The following CUBN variants were observed in gnomAD, a reference collection of about 807,000 sequenced individuals.
CUBN encodes the protein 460 kDa receptor.
CUBN carries 282 observed loss-of-function variants against 405.3 expected under a neutral mutation model. The observed-to-expected ratio is 0.70, with a 90% CI of 0.63 to 0.77. CUBN has a LOEUF of 0.77. CUBN is among the 30% of genes least tolerant of loss of function. The pLI is 0.00. For synonymous variants in CUBN, 1,684 were observed against 1,617.0 expected, an observed-to-expected ratio of 1.04 and a Z score of -0.99; for missense variants, 4,514 against 4,475.2, an observed-to-expected ratio of 1.01 and a Z score of -0.25.
intron 34 of CUBN, 59 bp from the exon 35 acceptor site, chr10:16,948,665 T>G: frequency 1.2e-6 from 2 of 1,603,066 alleles, no homozygotes; most frequent in Non-Finnish European, 1.7e-6. Context: ...GACCGCTGTT[T>G]CTAGGAAACA....
chr10:16,863,290 T>C (rs1840070036), intron 59 of CUBN, among the ~76,000 whole-genome samples: 1 of 152,192 alleles, frequency 6.6e-6, no homozygotes, highest in African/African-American at 2.4e-5. Flanking sequence ...ATAAGCTTAG[T>C]TGGGTTTTTC....
At chr10:16,825,595 CTT>C (rs1449440098) in intron 66 of CUBN, among the ~76,000 whole-genome samples, 2 of 149,002 alleles carry the variant, frequency 1.3e-5, no homozygotes, top group Non-Finnish European at 1.5e-5. Flanking sequence ...AGTTTTTCCT[CTT>C]GAGATTTATT....
chr10:16,981,299 T>C (rs2131694290), intron 31 of CUBN, among the ~76,000 whole-genome samples: 1 of 152,248 alleles, frequency 6.6e-6, no homozygotes, highest in Middle Eastern at 3.4e-3. Context: ...GCCAGACTCC[T>C]GCAACCCACT....
chr10:16,888,672 C>A (rs1840895841), intron 55 of CUBN, 106 bp from the exon 56 acceptor site: 2 of 932,544 alleles, frequency 2.1e-6, no homozygotes, highest in Non-Finnish European at 3.5e-6. Flanking sequence ...ACATAGTTCC[C>A]TGAGATATTC....
chr10:16,956,326 A>AATAT (rs377273572), intron 31 of CUBN, among the ~76,000 whole-genome samples: 1 of 150,538 alleles, frequency 6.6e-6, no homozygotes, highest in Admixed American at 6.6e-5. Context: ...TCAAAATTTA[A>AATAT]ATATATATAT....
At chr10:17,031,123 T>G (rs1376570268) in intron 27 of CUBN, among the ~76,000 whole-genome samples, 2 of 152,178 alleles carry the variant, frequency 1.3e-5, no homozygotes, top group Non-Finnish European at 2.9e-5. Context: ...AATTGTTGGT[T>G]TTATCATTTG....
In CUBN at chr10:16,900,614, A is replaced by T. The variant is rs1219352129; in HGVS notation, c.8410+11T>A. 5 of 1,588,930 alleles carry T rather than the reference A, an allele frequency of 3.1e-6. No homozygotes were observed. Among genetic ancestry groups the T allele is most frequent in the Non-Finnish European group, 4.3e-6 (5 of 1,156,830 alleles). ...AAAAAGAAAATCAAATGGAGCAAAC[A>T]TTTCTTTTACCTAAAGTTTGTGTGT... On this transcript the variant is annotated intron_variant, in intron 53 of 66. Coordinates refer to ENST00000377833, the MANE Select transcript of CUBN (RefSeq NM_001081.4).
chr10:16,876,416 C>A (rs944474642), intron 57 of CUBN, among the ~76,000 whole-genome samples: 2 of 152,176 alleles, frequency 1.3e-5, no homozygotes, highest in African/African-American at 4.8e-5. Context: ...TTGAATATAT[C>A]AATCTTTTCC....
intron 28 of CUBN, among the ~76,000 whole-genome samples, chr10:16,996,201 G>A (rs1308359918): frequency 6.6e-6 from 1 of 152,184 alleles, no homozygotes; most frequent in East Asian, 1.9e-4. Flanking sequence ...AATTGACTTT[G>A]AGGCAAAATC....
At chr10:16,857,697 C>T (rs1839901296) in intron 59 of CUBN, among the ~76,000 whole-genome samples, 1 of 152,164 alleles carries the variant, frequency 6.6e-6, no homozygotes, top group African/African-American at 2.4e-5. Flanking sequence ...AAACCATCTG[C>T]AAAAACCTAC....
At chr10:16,991,383 A>G (rs1833582250) in intron 28 of CUBN, among the ~76,000 whole-genome samples, 1 of 87,670 alleles carries the variant, frequency 1.1e-5, no homozygotes. Flanking sequence ...ATGCTAGGAT[A>G]CTAACTGAGG....
At chr10:17,015,732 A>G (rs1050117373) in intron 28 of CUBN, among the ~76,000 whole-genome samples, 5 of 152,192 alleles carry the variant, frequency 3.3e-5, no homozygotes, top group Non-Finnish European at 5.9e-5. Flanking sequence ...ACTCAGGGGC[A>G]GTGCACCTTC....
At position 16,890,382 on chromosome 10, in the gene CUBN, G is replaced by C; in HGVS notation, c.8744C>G (p.Ser2915Cys). The change falls in exon 55 of 67, where the codon TCC becomes TGC. Residue 2915 changes from serine (S) to cysteine (C), a missense_variant. Physicochemically the swap from Ser to Cys is moderately radical, Grantham distance 112. Around this residue, in one of 5 missense-constraint regions of CUBN, gnomAD observed 1,186 missense variants for 1,186.9 expected, o/e 1.00. Coordinates refer to ENST00000377833, the MANE Select transcript of CUBN (RefSeq NM_001081.4). ...QEAPAQGFSA[S>C]FVSRCGSNFT... Reference sequence around the variant, plus strand: ...TTAGGGCTACTTACGGCTAACAAAGGACGCGGAGAAGCCCTGAGCTGGTGC... The same window carrying C: ...TTAGGGCTACTTACGGCTAACAAAGCACGCGGAGAAGCCCTGAGCTGGTGC... The C allele has an allele frequency of 1.9e-6, 3 of 1,613,156 alleles. No individual in the cohort carries two copies. The highest frequency in any genetic ancestry group is 2.5e-6 in the Non-Finnish European group (3 of 1,180,024).
intron 40 of CUBN, among the ~76,000 whole-genome samples, chr10:16,931,201 T>C (rs894710848): frequency 5.3e-5 from 8 of 151,832 alleles, no homozygotes; most frequent in Non-Finnish European, 1.2e-4. Context: ...GAGGCAGAGT[T>C]TGCAGTGAGC....
At chr10:17,036,933 C>T (rs893745376) in intron 27 of CUBN, among the ~76,000 whole-genome samples, 1 of 152,102 alleles carries the variant, frequency 6.6e-6, no homozygotes, top group Non-Finnish European at 1.5e-5. Flanking sequence ...CTGAGAGCAT[C>T]GGTGTGGAGT....
chr10:16,885,631 T>A (rs775590939), intron 56 of CUBN, among the ~76,000 whole-genome samples: 5 of 45,532 alleles, frequency 1.1e-4, no homozygotes, highest in Non-Finnish European at 1.6e-4. Context: ...CCAGGGCTGC[T>A]CCCCTTTTTC....
intron 27 of CUBN, among the ~76,000 whole-genome samples, chr10:17,026,983 A>T (rs569204330): frequency 6.6e-6 from 1 of 152,308 alleles, no homozygotes; most frequent in South Asian, 2.1e-4. Context: ...AGAGCAAAAA[A>T]CCCATCGAAA....
chr10:17,103,602 T>A (rs995764708), intron 12 of CUBN, among the ~76,000 whole-genome samples: 5 of 152,248 alleles, frequency 3.3e-5, no homozygotes, highest in African/African-American at 1.2e-4. Context: ...AGCTGCAAGG[T>A]GAGCAGTTCA....
At chr10:16,925,842 G>T in intron 41 of CUBN, 68 bp from the exon 42 acceptor site, 3 of 1,429,956 alleles carry the variant, frequency 2.1e-6, no homozygotes, top group African/African-American at 2.8e-5. Flanking sequence ...TGCTTTCTTA[G>T]TTTTCTTGGG....
Sources: allele counts gnomAD v4.1 joint callset (sites outside exome capture counted in the v4.1 genomes callset), GRCh38; gene constraint gnomAD v4.1.1; regional missense constraint gnomAD v4.1.1; transcripts MANE v1.5; gene names NCBI Gene and HGNC (gene_info 2026-07-23, HGNC 2026-07-21).